ADGRB3: variants seen among roughly 807,000 people sequenced by gnomAD.
The protein encoded by ADGRB3 is brain-specific angiogenesis inhibitor 3.
Under a neutral mutation model 193.4 loss-of-function variants are expected in ADGRB3, and 37 were observed. The observed-to-expected ratio is 0.19, with a 90% CI of 0.15 to 0.25. The LOEUF is 0.25. Ranked by LOEUF, ADGRB3 falls within the 10% of genes least tolerant of loss-of-function variation. ADGRB3 has a pLI of 1.00. For missense variants in ADGRB3, 1,637 were observed against 1,852.9 expected (o/e 0.88, Z 2.14); for synonymous variants, 690 against 644.2 (o/e 1.07, Z -1.08).
intron 20 of ADGRB3, among the ~76,000 whole-genome samples, chr6:69,295,631 C>T (rs1269201295): frequency 6.6e-6 from 1 of 152,174 alleles, no homozygotes; most frequent in East Asian, 1.9e-4. Flanking sequence ...GAGGTAACTG[C>T]ACATGTCACT....
At chr6:69,386,813 T>G (rs1770080947) in intron 31 of ADGRB3, among the ~76,000 whole-genome samples, 1 of 152,076 alleles carries the variant, frequency 6.6e-6, no homozygotes, top group South Asian at 2.1e-4. Context: ...TCAGAAAGTT[T>G]TATGTGTTTC....
At chr6:68,640,828 GA>G (rs1768067838) in intron 3 of ADGRB3, among the ~76,000 whole-genome samples, 1 of 152,178 alleles carries the variant, frequency 6.6e-6, no homozygotes, top group Non-Finnish European at 1.5e-5. Context: ...GGTAGGAGAG[GA>G]AAAGACCTGT....
In ADGRB3 at chr6:68,661,455, ATATATGTGTG is replaced by A. The variant is rs1768642507; in HGVS notation, c.757+22029_757+22038del. Among the ~76,000 whole-genome samples, 5 of 128,288 alleles carry A rather than the reference ATATATGTGTG, an allele frequency of 3.9e-5. 1 individual carries two copies. Among genetic ancestry groups the A allele is most frequent in the Admixed American group, 3.4e-4 (4 of 11,638 alleles). The allele number at this position is 128,288 out of a possible 152,430, so 84.2% of individuals were successfully genotyped here. On this transcript the variant is annotated intron_variant, in intron 3 of 31. Transcript: ENST00000370598. ...TACATATATATATGTGTGTATACAT[ATATATGTGTG>A]TATATATATGTGTATACATATATAT...
chr6:69,031,886 C>T (rs1770722592), intron 13 of ADGRB3, among the ~76,000 whole-genome samples: 1 of 152,040 alleles, frequency 6.6e-6, no homozygotes, highest in Admixed American at 6.5e-5. Flanking sequence ...CCCACCTTGG[C>T]CTCCAAAAGT....
chr6:68,977,803 T>C (rs1400344308), intron 10 of ADGRB3, among the ~76,000 whole-genome samples: 1 of 143,922 alleles, frequency 6.9e-6, no homozygotes, highest in Non-Finnish European at 1.6e-5. Flanking sequence ...TGGGTGTCCA[T>C]GCCGCAGTTT....
intron 3 of ADGRB3, among the ~76,000 whole-genome samples, chr6:68,659,948 G>A (rs1037148317): frequency 3.4e-4 from 51 of 150,886 alleles, no homozygotes; most frequent in Non-Finnish European, 6.8e-4. Flanking sequence ...AAAACAAATT[G>A]AGAATCCTTT....
At chr6:69,372,971 C>T (rs3799095) in intron 30 of ADGRB3, among the ~76,000 whole-genome samples, 61,465 of 151,480 alleles carry the variant, frequency 0.41, 13,779 homozygotes, top group East Asian at 0.77. Context: ...GTTTAGTAAA[C>T]GCCTTTTCAC....
intron 20 of ADGRB3, among the ~76,000 whole-genome samples, chr6:69,249,770 A>C (rs1324719155): frequency 6.6e-6 from 1 of 152,244 alleles, no homozygotes; most frequent in Non-Finnish European, 1.5e-5. Flanking sequence ...TAATAAAAAA[A>C]AATAAGCAGA....
chr6:69,154,723 T>C lies in ADGRB3; in HGVS notation c.2481-78567T>C, dbSNP rs371681380. On this transcript the variant is annotated intron_variant, in intron 17 of 31. Transcript: ENST00000370598. The stretch of plus-strand genomic sequence containing the variant: ...ATGGTCAAGATTTTCCCCTTCAACT[T>C]GATTTCCCCAGTCTTCACACAATGC... Among the ~76,000 whole-genome samples, 23 of 152,290 alleles carry C rather than the reference T, an allele frequency of 1.5e-4. No individual in the cohort carries two copies. In the South Asian group the frequency reaches 4.8e-3, roughly 32 times the overall value.
intron 17 of ADGRB3, among the ~76,000 whole-genome samples, chr6:69,115,452 C>T (rs1306282084): frequency 6.7e-6 from 1 of 148,946 alleles, no homozygotes; most frequent in Non-Finnish European, 1.5e-5. Context: ...ACTGGGGGAT[C>T]GGGGGTTAGG....
At chr6:69,280,009 G>A (rs766371174) in intron 20 of ADGRB3, among the ~76,000 whole-genome samples, 2 of 152,142 alleles carry the variant, frequency 1.3e-5, no homozygotes, top group Non-Finnish European at 2.9e-5. Flanking sequence ...AGGCGTCTGC[G>A]CTCCTGTTTT....
chr6:69,189,883 A>G (rs1314353775), intron 17 of ADGRB3, among the ~76,000 whole-genome samples: 2 of 152,196 alleles, frequency 1.3e-5, no homozygotes, highest in African/African-American at 4.8e-5. Flanking sequence ...GATGGACTAC[A>G]TATACAATGG....
chr6:68,980,926 C>T (rs1768891527), intron 10 of ADGRB3, among the ~76,000 whole-genome samples: 1 of 151,462 alleles, frequency 6.6e-6, no homozygotes, highest in Admixed American at 6.6e-5. Context: ...ATAAGAAAGT[C>T]ACTCCAGACC....
chr6:69,007,811 A>G (rs947497551), intron 11 of ADGRB3, among the ~76,000 whole-genome samples: 1 of 152,068 alleles, frequency 6.6e-6, no homozygotes, highest in African/African-American at 2.4e-5. Context: ...CTATAACAAA[A>G]TACCTGAGAC....
intron 3 of ADGRB3, among the ~76,000 whole-genome samples, chr6:68,776,695 A>G (rs1036138941): frequency 3.3e-5 from 5 of 152,158 alleles, no homozygotes; most frequent in African/African-American, 1.2e-4. Flanking sequence ...CAATTAAAAG[A>G]AGCAATTATG....
intron 17 of ADGRB3, among the ~76,000 whole-genome samples, chr6:69,143,352 A>G (rs1003237047): frequency 6.6e-6 from 1 of 151,752 alleles, no homozygotes; most frequent in Admixed American, 6.6e-5. Context: ...TCACTTTACT[A>G]GTTGTTTACT....
intron 3 of ADGRB3, among the ~76,000 whole-genome samples, chr6:68,840,565 G>T (rs1204253116): frequency 6.6e-6 from 1 of 151,696 alleles, no homozygotes; most frequent in African/African-American, 2.4e-5. Flanking sequence ...GCTGGTGGCT[G>T]CCATGGGGAG....
chr6:69,139,926 G>A (rs1211018858), intron 17 of ADGRB3, among the ~76,000 whole-genome samples: 1 of 152,142 alleles, frequency 6.6e-6, no homozygotes, highest in Non-Finnish European at 1.5e-5. Flanking sequence ...ATTTTAATAA[G>A]ACCTATAGAA....
chr6:69,269,158 T>TA lies in ADGRB3; in HGVS notation c.2814+29933dup, dbSNP rs148659967. Among the ~76,000 whole-genome samples, 833 of 152,278 alleles carry TA rather than the reference T, an allele frequency of 5.5e-3. 4 individuals are homozygous for TA. Among genetic ancestry groups the TA allele is most frequent in the Non-Finnish European group, 9.2e-3 (624 of 68,024 alleles). ...GAAGCTGAAACCTACAAATGTTAAA[T>TA]ATCTTGCCCAAGGTCATATAACTAG... On this transcript the variant is annotated intron_variant, in intron 20 of 31. Transcript: ENST00000370598.
Sources: allele counts gnomAD v4.1 joint callset (sites outside exome capture counted in the v4.1 genomes callset), GRCh38; gene constraint gnomAD v4.1.1; transcripts MANE v1.5; gene names NCBI Gene and HGNC (gene_info 2026-07-23, HGNC 2026-07-21).